SHLD1: variants seen among roughly 807,000 people sequenced by gnomAD.
SHLD1 encodes shieldin complex subunit 1.
SHLD1 carries 3 observed loss-of-function variants against 5.5 expected under a neutral mutation model. The ratio of observed to expected loss-of-function variants is 0.54; its 90% confidence interval spans 0.25 to 1.40. The LOEUF is 1.40. Ranked by LOEUF, SHLD1 falls within the 40% of genes most tolerant of loss-of-function variation. The pLI, the probability that SHLD1 is intolerant of heterozygous loss-of-function variation, is 0.15. For missense variants in SHLD1, 210 were observed against 244.4 expected (o/e 0.86, Z 0.94); for synonymous variants, 92 against 94.3 (o/e 0.98, Z 0.14).
intron 2 of SHLD1, among the ~76,000 whole-genome samples, chr20:5,837,489 C>T (rs1330209226): frequency 6.6e-6 from 1 of 151,976 alleles, no homozygotes; most frequent in African/African-American, 2.4e-5. Context: ...CAACAGGCCC[C>T]GCTGTGTGTT....
chr20:5,764,727 T>C (rs1984729028), intron 1 of SHLD1, among the ~76,000 whole-genome samples: 2 of 152,040 alleles, frequency 1.3e-5, no homozygotes, highest in South Asian at 2.1e-4. Context: ...TTTAAAAATA[T>C]GATGAATTGA....
At chr20:5,844,985 A>T (rs927082140) in intron 2 of SHLD1, among the ~76,000 whole-genome samples, 10 of 151,386 alleles carry the variant, frequency 6.6e-5, no homozygotes, top group Admixed American at 1.3e-4. Flanking sequence ...TTTAGTAGAG[A>T]TGGGGTTTCA....
Position 5,855,135 on chromosome 20 carries a change from C to T in SHLD1, c.179-7889C>T, listed in dbSNP as rs367931545. Among the ~76,000 whole-genome samples, 6 of 152,114 alleles carry T rather than the reference C, an allele frequency of 3.9e-5. No individual in the cohort carries two copies. Among genetic ancestry groups the T allele is most frequent in the Non-Finnish European group, 8.8e-5 (6 of 67,996 alleles). On this transcript the variant is annotated intron_variant, in intron 2 of 2. Coordinates refer to ENST00000303142, the MANE Select transcript of SHLD1 (RefSeq NM_152504.4). This position sits in a 1 kb window ranked among gnomAD's most constrained non-coding sequence, Gnocchi z 4.4. ...TCAAGTGATCCTCCTGCCTTGGCCT[C>T]CTAAAGTGCTGGGATTACAGGTGTG...
intron 2 of SHLD1, among the ~76,000 whole-genome samples, chr20:5,817,432 C>CTCTCTCTCTCTCTGTGTGTGTGTG (rs1473391202): frequency 1.3e-4 from 11 of 85,658 alleles, no homozygotes; most frequent in African/African-American, 6.1e-4. Context: ...CTCTCTCTCT[C>CTCTCTCTCTCTCTGTGTGTGTGTG]TGTGTGTGTG....
At chr20:5,761,290 C>T (rs1025502041) in intron 1 of SHLD1, among the ~76,000 whole-genome samples, 1 of 151,846 alleles carries the variant, frequency 6.6e-6, no homozygotes, top group Non-Finnish European at 1.5e-5. Flanking sequence ...AGCATTAAGA[C>T]AAATATCTAA....
chr20:5,759,871 T>G (rs1201907461), intron 1 of SHLD1, among the ~76,000 whole-genome samples: 1 of 151,926 alleles, frequency 6.6e-6, no homozygotes, highest in Non-Finnish European at 1.5e-5. Context: ...TTTTATATCT[T>G]AAAAAAAATG....
In SHLD1 at chr20:5,809,255, T is replaced by TTA. The variant is rs150790881; in HGVS notation, c.178+36213_178+36214dup. 8.4e-3 allele frequency among the ~76,000 whole-genome samples: 1,276 copies of TTA among 152,258 alleles called. 17 individuals carry two copies. Among genetic ancestry groups the TTA allele is most frequent in the Non-Finnish European group, 0.014 (969 of 68,034 alleles). ...TTTGCACAAAAATAAGAAACTCATT[T>TTA]TAATTCCATGAAACAAATACTAACT... On this transcript the variant is annotated intron_variant, in intron 2 of 2. Coordinates refer to ENST00000303142, the MANE Select transcript of SHLD1 (RefSeq NM_152504.4).
At chr20:5,817,018 G>A (rs1314912995) in intron 2 of SHLD1, among the ~76,000 whole-genome samples, 5 of 152,142 alleles carry the variant, frequency 3.3e-5, no homozygotes, top group Admixed American at 1.3e-4. Context: ...ACAGTGAGCC[G>A]AGATTGTGCC....
chr20:5,776,877 A>G (rs1347825423), intron 2 of SHLD1, among the ~76,000 whole-genome samples: 1 of 152,022 alleles, frequency 6.6e-6, no homozygotes, highest in East Asian at 1.9e-4. Flanking sequence ...CATACTCCAC[A>G]CTGCAGTGTT....
chr20:5,813,457 C>G (rs1270176539), intron 2 of SHLD1, among the ~76,000 whole-genome samples: 1 of 152,042 alleles, frequency 6.6e-6, no homozygotes, highest in Non-Finnish European at 1.5e-5. Flanking sequence ...CCACTGCACT[C>G]CAGCTTGGGT....
At chr20:5,819,990 C>A (rs542775537) in intron 2 of SHLD1, among the ~76,000 whole-genome samples, 1 of 152,250 alleles carries the variant, frequency 6.6e-6, no homozygotes, top group South Asian at 2.1e-4. Context: ...GTCGCCCAGA[C>A]AGGCTGGAGT....
Position 5,835,903 on chromosome 20 carries a change from C to T in SHLD1, c.179-27121C>T, listed in dbSNP as rs907450962. On this transcript the variant is annotated intron_variant, in intron 2 of 2. Transcript: ENST00000303142. ...GTAAACCATAGAGCTCACATTTTTCCTAAGGGGCTTTATGCTAGCAACTTG... is the reference window on the plus strand; with the variant it reads ...GTAAACCATAGAGCTCACATTTTTCTTAAGGGGCTTTATGCTAGCAACTTG... Among the ~76,000 whole-genome samples, 5 of 152,164 alleles carry T rather than the reference C, an allele frequency of 3.3e-5. No homozygotes were observed. In the South Asian group the frequency reaches 1.0e-3, roughly 31 times the overall value.
chr20:5,793,528 A>G (rs1372589400), intron 2 of SHLD1, among the ~76,000 whole-genome samples: 3 of 152,212 alleles, frequency 2.0e-5, no homozygotes, highest in African/African-American at 7.2e-5. Flanking sequence ...GCATAAAATT[A>G]GGAAAACCAT....
chr20:5,850,112 C>CAAAAT (rs2087987531), intron 2 of SHLD1, among the ~76,000 whole-genome samples: 1 of 130,246 alleles, frequency 7.7e-6, no homozygotes, highest in Non-Finnish European at 1.6e-5. Context: ...GACCCCGTCT[C>CAAAAT]AATAATAATA....
At chr20:5,840,733 T>C (rs2087847574) in intron 2 of SHLD1, among the ~76,000 whole-genome samples, 1 of 152,220 alleles carries the variant, frequency 6.6e-6, no homozygotes, top group Non-Finnish European at 1.5e-5. Flanking sequence ...TTTCTGCAGC[T>C]CTCCTAACAA....
At chr20:5,832,836 T>TAAAC (rs1555776391) in intron 2 of SHLD1, among the ~76,000 whole-genome samples, 1 of 144,870 alleles carries the variant, frequency 6.9e-6, no homozygotes, top group Non-Finnish European at 1.5e-5. Context: ...AATAAATAAA[T>TAAAC]AAATAAATAA....
intron 2 of SHLD1, among the ~76,000 whole-genome samples, chr20:5,803,847 G>A (rs1422088365): frequency 3.3e-5 from 5 of 150,788 alleles, no homozygotes. Context: ...ACTCCAGCCT[G>A]ATGACAGAGT....
intron 2 of SHLD1, among the ~76,000 whole-genome samples, chr20:5,857,638 G>A (rs185931419): frequency 8.6e-5 from 13 of 151,812 alleles, no homozygotes; most frequent in African/African-American, 2.2e-4. Flanking sequence ...GTGAAACCCC[G>A]TCTCTACAAA....
At chr20:5,775,922 G>GGTTTTTTTTTTT (rs1391999872) in intron 2 of SHLD1, among the ~76,000 whole-genome samples, 2 of 63,444 alleles carry the variant, frequency 3.2e-5, no homozygotes, top group African/African-American at 9.2e-5. Flanking sequence ...GTCAGCTCAG[G>GGTTTTTTTTTTT]ATTTTTTTTT....
Sources: gnomAD v4.1 joint callset for allele counts (sites outside exome capture counted in the v4.1 genomes callset) on GRCh38, gnomAD v4.1.1 for gene constraint, Gnocchi (gnomAD v3.1) non-coding constraint, MANE v1.5 for transcripts, NCBI Gene and HGNC (gene_info 2026-07-23, HGNC 2026-07-21) for gene names.